DCAF6: variants seen among roughly 807,000 people sequenced by gnomAD.
DCAF6 encodes DDB1 and CUL4 associated factor 6, also known as DDB1- and CUL4-associated factor 6.
In DCAF6, 54 loss-of-function variants were observed where a neutral mutation model predicts 125.1. The ratio of observed to expected loss-of-function variants is 0.43; its 90% CI spans 0.35 to 0.54. The LOEUF (loss-of-function observed/expected upper bound fraction) is 0.54, where lower values mean the gene tolerates loss of function less well. Ranked by LOEUF, DCAF6 falls within the 20% of genes least tolerant of loss-of-function variation. The pLI, the probability that DCAF6 is intolerant of heterozygous loss-of-function variation, is 0.01. For missense variants in DCAF6, 934 were observed against 1,161.7 expected, an observed-to-expected ratio of 0.80 and a Z score of 2.85; for synonymous variants, 371 against 390.4, an observed-to-expected ratio of 0.95 and a Z score of 0.58.
the DCAF6 span, chr1:167,880,527 T>A: frequency 6.2e-7 from 1 of 1,613,974 alleles, no homozygotes; most frequent in African/African-American, 1.3e-5. Context: ...GTCAAATATA[T>A]CCATAGCACA....
intron 2 of DCAF6, among the ~76,000 whole-genome samples, chr1:167,954,644 G>T (rs1216997633): frequency 6.6e-6 from 1 of 151,592 alleles, no homozygotes; most frequent in African/African-American, 2.4e-5. Flanking sequence ...AGTAGAGACG[G>T]TGTTTCACTG....
chr1:167,929,449 T>C, the DCAF6 span, among the ~76,000 whole-genome samples: 1 of 152,240 alleles, frequency 6.6e-6, no homozygotes, highest in African/African-American at 2.4e-5. Flanking sequence ...TTGTGTTTTA[T>C]TGCCTTATTT....
chr1:167,871,308 T>C, the DCAF6 span, among the ~76,000 whole-genome samples: 2 of 152,216 alleles, frequency 1.3e-5, no homozygotes, highest in Non-Finnish European at 2.9e-5. Flanking sequence ...TCAGAAATCA[T>C]GTACAGATTA....
chr1:167,868,341 G>C, the DCAF6 span, among the ~76,000 whole-genome samples: 2 of 152,066 alleles, frequency 1.3e-5, no homozygotes, highest in African/African-American at 4.8e-5. Context: ...ATCATTTCTA[G>C]GTTCTAAAAG....
In DCAF6 at chr1:168,058,024, A is replaced by G. The variant is rs78545244; in HGVS notation, c.2301-5597A>G. On this transcript the variant is annotated intron_variant, in intron 17 of 21. Coordinates refer to ENST00000367840, the MANE Select transcript of DCAF6 (RefSeq NM_001198956.2). The stretch of plus-strand genomic sequence containing the variant: ...TTGCTTTAAAAAACAAAACATAAAC[A>G]TATAAACATAAAGTTTTACCCACTT... Among the ~76,000 whole-genome samples the G allele has an allele frequency of 6.1e-3, 929 of 152,346 alleles. 5 individuals are homozygous for G. Among genetic ancestry groups the G allele is most frequent in the African/African-American group, 0.022 (894 of 41,576 alleles).
At chr1:168,003,817 T>A in intron 8 of DCAF6, 53 bp from the exon 9 acceptor site, 2 of 1,492,452 alleles carry the variant, frequency 1.3e-6, no homozygotes, top group Non-Finnish European at 1.8e-6. Flanking sequence ...TTTGTATTAA[T>A]GAAAGATTCT....
chr1:168,011,310 A>T (rs1684254382), intron 10 of DCAF6, among the ~76,000 whole-genome samples: 1 of 151,520 alleles, frequency 6.6e-6, no homozygotes, highest in Admixed American at 6.6e-5. Flanking sequence ...TGGAGATGGG[A>T]TTTCACCATG....
chr1:167,928,568 A>C, the DCAF6 span, among the ~76,000 whole-genome samples: 2 of 152,180 alleles, frequency 1.3e-5, no homozygotes, highest in Admixed American at 1.3e-4. Context: ...AACTTACTTC[A>C]ACATTTCTAA....
At chr1:167,936,258 G>A, upstream of DCAF6, 3 of 216,506 alleles carry the variant, frequency 1.4e-5, no homozygotes, top group South Asian at 1.3e-4. Context: ...TGCCCTCGAG[G>A]CCATGTTGGA....
intron 4 of DCAF6, among the ~76,000 whole-genome samples, chr1:167,981,888 A>G (rs1352831256): frequency 5.3e-5 from 8 of 152,216 alleles, no homozygotes; most frequent in African/African-American, 1.7e-4. Flanking sequence ...TTTTGGATAT[A>G]TACCCAGGAT....
At chr1:168,047,897 C>A (rs1689339458) in intron 16 of DCAF6, among the ~76,000 whole-genome samples, 1 of 151,922 alleles carries the variant, frequency 6.6e-6, no homozygotes, top group South Asian at 2.1e-4. Context: ...TTTTTTGGCA[C>A]CATCCTGATT....
the DCAF6 span, among the ~76,000 whole-genome samples, chr1:167,902,632 C>T: frequency 6.6e-6 from 1 of 152,206 alleles, no homozygotes; most frequent in Non-Finnish European, 1.5e-5. Flanking sequence ...AAGGAATCAA[C>T]CATAGTTCCT....
the DCAF6 span, among the ~76,000 whole-genome samples, chr1:167,911,399 C>T: frequency 6.6e-6 from 1 of 152,228 alleles, no homozygotes; most frequent in Non-Finnish European, 1.5e-5. Context: ...TAAATATTTG[C>T]CCTGGCATGC....
At chr1:167,949,066 G>T (rs149526123) in intron 1 of DCAF6, among the ~76,000 whole-genome samples, 106 of 152,306 alleles carry the variant, frequency 7.0e-4, no homozygotes, top group African/African-American at 2.5e-3. Context: ...TTTGTGGCAG[G>T]CACTGTATTA....
chr1:168,038,969 CTACT>C (rs1025487970), intron 13 of DCAF6, among the ~76,000 whole-genome samples: 9 of 151,930 alleles, frequency 5.9e-5, no homozygotes, highest in South Asian at 4.1e-4. Flanking sequence ...TCCCATGTTA[CTACT>C]TAGTTTTAAT....
intron 12 of DCAF6, among the ~76,000 whole-genome samples, chr1:168,029,928 C>T (rs899972508): frequency 2.7e-5 from 4 of 150,312 alleles, no homozygotes; most frequent in South Asian, 2.1e-4. Flanking sequence ...TGCAGTGAGC[C>T]GAGATTGCAC....
At chr1:168,041,521 T>C (rs911992657) in intron 13 of DCAF6, among the ~76,000 whole-genome samples, 5 of 152,036 alleles carry the variant, frequency 3.3e-5, no homozygotes, top group African/African-American at 1.2e-4. Flanking sequence ...TCAAAAACTG[T>C]ATATTCCTTC....
the DCAF6 span, among the ~76,000 whole-genome samples, chr1:167,915,671 G>A: frequency 1.3e-5 from 2 of 151,970 alleles, no homozygotes; most frequent in Non-Finnish European, 2.9e-5. Flanking sequence ...GTCTTGTCGC[G>A]AACTCCTGAC....
chr1:168,033,259 A>G (rs1687338949), intron 12 of DCAF6, among the ~76,000 whole-genome samples: 1 of 151,904 alleles, frequency 6.6e-6, no homozygotes, highest in South Asian at 2.1e-4. Flanking sequence ...TTTCTGAGCC[A>G]ATGCACTATC....
Sources: allele counts gnomAD v4.1 joint callset (sites outside exome capture counted in the v4.1 genomes callset), GRCh38; gene constraint gnomAD v4.1.1; transcripts MANE v1.5; gene names NCBI Gene and HGNC (gene_info 2026-07-23, HGNC 2026-07-21).